PTPRM: variants seen among roughly 807,000 people sequenced by gnomAD.
PTPRM encodes receptor-type tyrosine-protein phosphatase mu.
In PTPRM, 47 loss-of-function variants were observed where a neutral mutation model predicts 186.7. The observed-to-expected ratio is 0.25, with a 90% CI of 0.20 to 0.32. The LOEUF is 0.32. Among genes scored for constraint, PTPRM ranks in the 10% least tolerant of loss-of-function variants. PTPRM has a pLI of 1.00. For synonymous variants in PTPRM, 668 were observed against 674.9 expected, an observed-to-expected ratio of 0.99 and a Z score of 0.16; for missense variants, 1,494 against 1,865.0, an observed-to-expected ratio of 0.80 and a Z score of 3.66.
At chr18:7,867,562 G>A (rs1390831711) in intron 2 of PTPRM, among the ~76,000 whole-genome samples, 1 of 152,200 alleles carries the variant, frequency 6.6e-6, no homozygotes, top group Non-Finnish European at 1.5e-5. Context: ...TCTGCTGAGA[G>A]ATCTGCTGTT....
At chr18:8,125,613 T>A (rs940756909) in intron 13 of PTPRM, among the ~76,000 whole-genome samples, 3 of 151,986 alleles carry the variant, frequency 2.0e-5, no homozygotes, top group African/African-American at 7.2e-5. Flanking sequence ...CCACAATTTT[T>A]AAAAAAATGC....
intron 20 of PTPRM, among the ~76,000 whole-genome samples, chr18:8,302,664 C>T (rs904899384): frequency 7.2e-5 from 11 of 151,852 alleles, no homozygotes; most frequent in Admixed American, 2.6e-4. Context: ...TGGACCCAAC[C>T]GAAAGATGGA....
chr18:8,104,073 A>G (rs577199121), intron 11 of PTPRM, among the ~76,000 whole-genome samples: 194 of 152,338 alleles, frequency 1.3e-3, no homozygotes, highest in Middle Eastern at 0.01. Context: ...ACAGATCACC[A>G]TAACGGTTGT....
At chr18:7,931,644 T>C in intron 5 of PTPRM, among the ~76,000 whole-genome samples, 1 of 152,160 alleles carries the variant, frequency 6.6e-6, no homozygotes, top group Admixed American at 6.5e-5. Context: ...GAGGTTGCAG[T>C]GAGCCGAGGT....
intron 14 of PTPRM, among the ~76,000 whole-genome samples, chr18:8,208,994 G>A (rs1162908670): frequency 6.6e-6 from 1 of 152,200 alleles, no homozygotes; most frequent in African/African-American, 2.4e-5. Flanking sequence ...AGGAAGGAGT[G>A]TTGGCAGTTT....
intron 11 of PTPRM, among the ~76,000 whole-genome samples, chr18:8,103,836 T>A (rs1013259368): frequency 1.3e-5 from 2 of 152,192 alleles, no homozygotes; most frequent in African/African-American, 4.8e-5. Context: ...CCTTCCTCAC[T>A]GTGCTTAATA....
intron 7 of PTPRM, among the ~76,000 whole-genome samples, chr18:8,004,568 G>A (rs2084065074): frequency 6.6e-6 from 1 of 152,052 alleles, no homozygotes; most frequent in Admixed American, 6.6e-5. Flanking sequence ...ATTCAGTTCA[G>A]AAGATGACTG....
chr18:8,140,811 T>A (rs2092749716), intron 13 of PTPRM, among the ~76,000 whole-genome samples: 1 of 152,066 alleles, frequency 6.6e-6, no homozygotes, highest in Admixed American at 6.5e-5. Flanking sequence ...TAATAAGCAA[T>A]TAAAATTTAT....
intron 1 of PTPRM, among the ~76,000 whole-genome samples, chr18:7,605,729 G>C: frequency 6.6e-6 from 1 of 152,282 alleles, no homozygotes; most frequent in East Asian, 1.9e-4. Flanking sequence ...AGCGTGTGAG[G>C]TTCAGGCCCT....
chr18:7,697,805 G>T (rs1428174832), intron 1 of PTPRM, among the ~76,000 whole-genome samples: 1 of 152,304 alleles, frequency 6.6e-6, no homozygotes, highest in East Asian at 1.9e-4. Flanking sequence ...TTCTGTACAT[G>T]GAGATGGAGG....
chr18:7,631,227 G>A (rs2144078591), intron 1 of PTPRM, among the ~76,000 whole-genome samples: 1 of 152,172 alleles, frequency 6.6e-6, no homozygotes, highest in East Asian at 1.9e-4. Flanking sequence ...AGCTCAAAAT[G>A]TCCTGTCAGC....
At chr18:7,906,313 T>A (rs1475768977) in intron 3 of PTPRM, among the ~76,000 whole-genome samples, 192 bp from the exon 4 acceptor site, 1 of 152,114 alleles carries the variant, frequency 6.6e-6, no homozygotes, top group Non-Finnish European at 1.5e-5. Context: ...CCTATTGACC[T>A]CCCTGAAGAC....
At chr18:7,778,574 G>T (rs2042702665) in intron 2 of PTPRM, among the ~76,000 whole-genome samples, 1 of 151,982 alleles carries the variant, frequency 6.6e-6, no homozygotes, top group African/African-American at 2.4e-5. Flanking sequence ...TTCCCGCCCT[G>T]GTTCAAGCGA....
At position 8,187,762 on chromosome 18, in the gene PTPRM, G is replaced by A. The variant is rs534896421; in HGVS notation, c.2300+43983G>A. On this transcript the variant is annotated intron_variant, in intron 14 of 32. Coordinates refer to ENST00000580170, the MANE Select transcript of PTPRM (RefSeq NM_001105244.2). Reference sequence around the variant, plus strand: ...GGAATAGCAGTGACGGCAACCATGGGGTCTGGAACCTTGGCCCACCATAGA... The same window carrying A: ...GGAATAGCAGTGACGGCAACCATGGAGTCTGGAACCTTGGCCCACCATAGA... Among the ~76,000 whole-genome samples, 19 of 152,270 alleles carry A rather than the reference G, an allele frequency of 1.2e-4. No homozygotes were observed. In the South Asian group the frequency reaches 3.7e-3, roughly 30 times the overall value.
chr18:8,101,893 A>G (rs1378273516), intron 11 of PTPRM, among the ~76,000 whole-genome samples: 2 of 152,150 alleles, frequency 1.3e-5, no homozygotes, highest in East Asian at 1.9e-4. Context: ...GACGTGGACT[A>G]TTCTGCAAAT....
chr18:8,035,048 T>A (rs1389444274), intron 7 of PTPRM, among the ~76,000 whole-genome samples: 1 of 152,174 alleles, frequency 6.6e-6, no homozygotes, highest in Non-Finnish European at 1.5e-5. Flanking sequence ...TGTCCAGCCA[T>A]TCCCTTGACC....
At chr18:7,640,228 C>G (rs1014765618) in intron 1 of PTPRM, among the ~76,000 whole-genome samples, 1 of 152,090 alleles carries the variant, frequency 6.6e-6, no homozygotes, top group African/African-American at 2.4e-5. Flanking sequence ...TGTTTCAGTA[C>G]AGGTAGGCAG....
At chr18:7,672,730 A>G (rs1400252836) in intron 1 of PTPRM, among the ~76,000 whole-genome samples, 1 of 152,196 alleles carries the variant, frequency 6.6e-6, no homozygotes, top group Non-Finnish European at 1.5e-5. Flanking sequence ...TCTCTGTGCA[A>G]CTTAGTTGTG....
chr18:7,773,641 A>G (rs1467514837), intron 1 of PTPRM, among the ~76,000 whole-genome samples: 1 of 149,054 alleles, frequency 6.7e-6, no homozygotes, highest in Non-Finnish European at 1.5e-5. Flanking sequence ...GCTGGAGTGC[A>G]ATGGCATGAT....
Sources: gnomAD v4.1 joint callset for allele counts (sites outside exome capture counted in the v4.1 genomes callset) on GRCh38, gnomAD v4.1.1 for gene constraint, MANE v1.5 for transcripts, NCBI Gene and HGNC (gene_info 2026-07-23, HGNC 2026-07-21) for gene names.